CAST: variants seen among roughly 807,000 people sequenced by gnomAD.
CAST encodes the protein MIR583 host.
Under a neutral mutation model 119.6 loss-of-function variants are expected in CAST, and 76 were observed. The observed-to-expected ratio is 0.64, with a 90% CI of 0.53 to 0.77. The LOEUF is 0.77. Among genes scored for constraint, CAST ranks in the 30% least tolerant of loss-of-function variants. CAST has a pLI of 0.00. For missense variants in CAST, 953 were observed against 946.5 expected (o/e 1.01, Z -0.09); for synonymous variants, 319 against 331.6 (o/e 0.96, Z 0.41).
the CAST span, among the ~76,000 whole-genome samples, chr5:96,449,425 T>A: frequency 6.6e-6 from 1 of 152,270 alleles, no homozygotes; most frequent in East Asian, 1.9e-4. Flanking sequence ...TGTCTGATGA[T>A]CTGAGATGGA....
At chr5:96,550,177 A>G (rs889371487) in intron 1 of CAST, among the ~76,000 whole-genome samples, 6 of 152,182 alleles carry the variant, frequency 3.9e-5, no homozygotes, top group Non-Finnish European at 7.4e-5. Context: ...CACCTCATAC[A>G]GTCAGGCACC....
chr5:96,089,948 C>CAG, the CAST span, among the ~76,000 whole-genome samples: 3 of 152,154 alleles, frequency 2.0e-5, no homozygotes, highest in African/African-American at 7.2e-5. Flanking sequence ...GCTTTGGAGT[C>CAG]AGACCTTTAG....
intron 20 of CAST, among the ~76,000 whole-genome samples, chr5:96,752,958 T>TTA (rs1384207846): frequency 9.4e-6 from 1 of 106,204 alleles, no homozygotes; most frequent in African/African-American, 3.2e-5. Context: ...ATGATGCATT[T>TTA]TATACACACA....
intron 1 of CAST, among the ~76,000 whole-genome samples, chr5:96,608,497 T>C (rs973019719): frequency 1.3e-5 from 2 of 152,068 alleles, no homozygotes; most frequent in African/African-American, 2.4e-5. Context: ...AAAATTAAAA[T>C]TGAATTGCTT....
chr5:96,766,064 A>G lies in CAST; in HGVS notation c.2049A>G (p.Lys683=). ...PMEDKVKEKA[K]AEHRDKLGER... ...CACTGTTGATATAGGAAAAAGCTAA[A>G]GCTGAACATAGAGACAAGCTTGGAG... The change falls in exon 27 of 32, where the codon AAA becomes AAG. Residue 683 remains lysine, a synonymous_variant. Coordinates refer to ENST00000675179, the MANE Select transcript of CAST (RefSeq NM_001750.7). The G allele has an allele frequency of 6.2e-7, 1 of 1,600,216 alleles. No homozygotes were observed. The highest frequency in any genetic ancestry group is 8.6e-7 in the Non-Finnish European group (1 of 1,168,542).
In CAST at chr5:96,758,164, A is replaced by G. The variant is rs186778392; in HGVS notation, c.1833+510A>G. On this transcript the variant is annotated intron_variant, in intron 24 of 31. Transcript: ENST00000675179. ...GTGGATGCTTTTATTAGTGTAACTA[A>G]TATCAAGTACCAGTACCCCTATGAA... is the stretch of plus-strand genomic sequence containing the variant. Among the ~76,000 whole-genome samples the G allele has an allele frequency of 3.1e-3, 471 of 152,326 alleles. 10 individuals are homozygous for G. Among genetic ancestry groups the G allele is most frequent in the Admixed American group, 0.023 (358 of 15,294 alleles).
At chr5:96,665,256 C>T (rs1219930545) in intron 1 of CAST, among the ~76,000 whole-genome samples, 3 of 152,188 alleles carry the variant, frequency 2.0e-5, no homozygotes, top group Non-Finnish European at 4.4e-5. Flanking sequence ...TTAACAACAA[C>T]ATCACAACAA....
chr5:96,376,381 C>A, the CAST span, among the ~76,000 whole-genome samples: 1 of 151,880 alleles, frequency 6.6e-6, no homozygotes, highest in South Asian at 2.1e-4. Flanking sequence ...TGATAATAAA[C>A]AACTATGTTA....
chr5:96,716,003 T>G (rs981751702), intron 3 of CAST, among the ~76,000 whole-genome samples: 1 of 152,228 alleles, frequency 6.6e-6, no homozygotes, highest in Admixed American at 6.5e-5. Context: ...ATTGCAGGTC[T>G]CTTTAAAAGC....
chr5:96,229,904 CTGTTA>C, the CAST span, among the ~76,000 whole-genome samples: 5 of 152,292 alleles, frequency 3.3e-5, no homozygotes, highest in South Asian at 1.0e-3. Flanking sequence ...CGTGTTCCTT[CTGTTA>C]TAAAACAAGA....
At chr5:96,261,804 T>C in the CAST span, among the ~76,000 whole-genome samples, 4 of 152,248 alleles carry the variant, frequency 2.6e-5, no homozygotes, top group African/African-American at 9.6e-5. Flanking sequence ...CAGCTACATG[T>C]GGCTAGCGGC....
chr5:96,315,094 A>G, the CAST span, among the ~76,000 whole-genome samples: 1 of 152,234 alleles, frequency 6.6e-6, no homozygotes, highest in Non-Finnish European at 1.5e-5. Context: ...GTTATGGGAA[A>G]GAAAAGTCAA....
the CAST span, among the ~76,000 whole-genome samples, chr5:96,297,399 C>A: frequency 6.6e-6 from 1 of 152,168 alleles, no homozygotes; most frequent in Non-Finnish European, 1.5e-5. Context: ...CATATCCAAC[C>A]AGATGTAGCA....
chr5:96,095,669 A>G, the CAST span, among the ~76,000 whole-genome samples: 1 of 152,022 alleles, frequency 6.6e-6, no homozygotes, highest in African/African-American at 2.4e-5. Flanking sequence ...TTAAGTTTGA[A>G]GAAGATATGC....
At chr5:96,421,858 A>G in the CAST span, 3 of 1,258,700 alleles carry the variant, frequency 2.4e-6, no homozygotes, top group South Asian at 3.6e-5. Flanking sequence ...ACTTTATTTC[A>G]CACAAATGCA....
At chr5:96,421,380 C>T in the CAST span, among the ~76,000 whole-genome samples, 1 of 123,600 alleles carries the variant, frequency 8.1e-6, no homozygotes, top group African/African-American at 3.6e-5. Flanking sequence ...GATTCAGGGG[C>T]CAGACCTCAG....
chr5:96,224,297 C>T, the CAST span, among the ~76,000 whole-genome samples: 30 of 152,228 alleles, frequency 2.0e-4, no homozygotes, highest in African/African-American at 7.2e-4. Context: ...TTTCTGTTGC[C>T]TTCTTTAGTA....
At chr5:96,133,864 C>T in the CAST span, among the ~76,000 whole-genome samples, 1 of 152,156 alleles carries the variant, frequency 6.6e-6, no homozygotes, top group Non-Finnish European at 1.5e-5. Context: ...TCAAGTTCTG[C>T]TCACTCAACT....
chr5:96,213,870 GAGGTAACCATGTT>G, the CAST span: 1 of 152,058 alleles, frequency 6.6e-6, no homozygotes, highest in Non-Finnish European at 1.5e-5. Flanking sequence ...CCCTTCCCAA[GAGGTAACCATGTT>G]TTCCAGTTTT....
Sources: allele counts gnomAD v4.1 joint callset (sites outside exome capture counted in the v4.1 genomes callset), GRCh38; gene constraint gnomAD v4.1.1; transcripts MANE v1.5; gene names NCBI Gene and HGNC (gene_info 2026-07-23, HGNC 2026-07-21).